The following SLC10A7 variants were observed in gnomAD, a reference collection of about 807,000 sequenced individuals.
SLC10A7 encodes the protein solute carrier family 10 member 7, also known as sodium/bile acid cotransporter 7.
In SLC10A7, 29 loss-of-function variants were observed where a neutral mutation model predicts 43.2. That is an observed-to-expected ratio of 0.67 (90% CI 0.50 to 0.92). The LOEUF (loss-of-function observed/expected upper bound fraction) is 0.92, where lower values mean the gene tolerates loss of function less well. Among genes scored for constraint, SLC10A7 ranks in the 40% least tolerant of loss-of-function variants. The pLI is 0.00. For synonymous variants in SLC10A7, 152 were observed against 144.8 expected (o/e 1.05, Z -0.35); for missense variants, 295 against 403.2 (o/e 0.73, Z 2.30).
At chr4:146,474,473 T>C (rs1733865459) in intron 4 of SLC10A7, among the ~76,000 whole-genome samples, 3 of 152,160 alleles carry the variant, frequency 2.0e-5, no homozygotes, top group Admixed American at 2.0e-4. Context: ...GGCCAGACTT[T>C]ACCACTTTTT....
At chr4:146,264,875 C>A (rs1728459452) in intron 10 of SLC10A7, among the ~76,000 whole-genome samples, 1 of 152,170 alleles carries the variant, frequency 6.6e-6, no homozygotes. Context: ...TTCAGCTCCT[C>A]ATAAAATTAA....
chr4:146,266,604 T>C (rs1427332999), intron 10 of SLC10A7, among the ~76,000 whole-genome samples: 3 of 152,194 alleles, frequency 2.0e-5, no homozygotes. Context: ...AAACAAGGGC[T>C]TTGGAATTTG....
intron 5 of SLC10A7, among the ~76,000 whole-genome samples, chr4:146,349,890 A>T (rs1230048123): frequency 6.6e-6 from 1 of 152,182 alleles, no homozygotes; most frequent in Non-Finnish European, 1.5e-5. Context: ...TACTATGCTC[A>T]CTATCTGGGT....
intron 6 of SLC10A7, among the ~76,000 whole-genome samples, chr4:146,323,966 T>C (rs1485447637): frequency 6.6e-6 from 1 of 152,196 alleles, no homozygotes; most frequent in African/African-American, 2.4e-5. Context: ...ATAAGCAACT[T>C]CAGCAAAGTC....
At position 146,283,217 on chromosome 4, in the gene SLC10A7, A is replaced by C. The variant is rs1323404547; in HGVS notation, c.822T>G (p.Cys274Trp). Residue 274 changes from cysteine (C) to tryptophan (W), a missense_variant, in exon 10 of 12, where the codon TGT becomes TGG. This residue lies in a region of SLC10A7 where 242 missense variants were observed against 362.5 expected (regional missense o/e 0.67). Transcript: ENST00000335472. Reference protein sequence around the residue: ...TPADTVAIIFCSTHKSLTLGI... With the variant: ...TPADTVAIIFWSTHKSLTLGI... ...CCAATGTAAGGGATTTGTGTGTAGA[A>C]CAGAAAATGATAGCCACTGTGTCTG... 6.2e-7 allele frequency: 1 copy of C among 1,613,374 alleles called. No individual in the cohort carries two copies.
At chr4:146,519,143 A>G (rs1387126540) in intron 1 of SLC10A7, among the ~76,000 whole-genome samples, 1 of 132,932 alleles carries the variant, frequency 7.5e-6, no homozygotes, top group Non-Finnish European at 1.6e-5. Context: ...TATATTATGT[A>G]TATAACATAA....
At chr4:146,379,342 T>C (rs1203053907) in intron 5 of SLC10A7, among the ~76,000 whole-genome samples, 1 of 152,246 alleles carries the variant, frequency 6.6e-6, no homozygotes, top group Non-Finnish European at 1.5e-5. Context: ...CTTTGTTTAA[T>C]TGATGAATAC....
At chr4:146,456,150 G>T (rs1295251397) in intron 4 of SLC10A7, among the ~76,000 whole-genome samples, 1 of 151,402 alleles carries the variant, frequency 6.6e-6, no homozygotes, top group African/African-American at 2.4e-5. Flanking sequence ...TACAGAACAA[G>T]CACAGGAAAG....
At chr4:146,344,708 T>C (rs1479401534) in intron 5 of SLC10A7, among the ~76,000 whole-genome samples, 1 of 151,744 alleles carries the variant, frequency 6.6e-6, no homozygotes, top group Non-Finnish European at 1.5e-5. Context: ...CAAAAGAGAT[T>C]TGATACACCA....
intron 7 of SLC10A7, among the ~76,000 whole-genome samples, chr4:146,304,544 A>G (rs984275269): frequency 1.3e-5 from 2 of 152,110 alleles, no homozygotes; most frequent in African/African-American, 2.4e-5. Flanking sequence ...TTCAGTTTCC[A>G]TGTAGTTGAG....
chr4:146,350,062 C>T (rs1734930875), intron 5 of SLC10A7, among the ~76,000 whole-genome samples: 1 of 152,030 alleles, frequency 6.6e-6, no homozygotes, highest in Non-Finnish European at 1.5e-5. Context: ...CTCCCGTCTA[C>T]AGCTCCCAGC....
chr4:146,305,562 C>G (rs539632088), intron 7 of SLC10A7, among the ~76,000 whole-genome samples: 95 of 137,960 alleles, frequency 6.9e-4, no homozygotes, highest in Non-Finnish European at 1.2e-3. Context: ...TACCCTAAAA[C>G]TTAAAGTATA....
chr4:146,382,359 C>T (rs991511405), intron 5 of SLC10A7, among the ~76,000 whole-genome samples: 90 of 152,266 alleles, frequency 5.9e-4, no homozygotes, highest in African/African-American at 2.1e-3. Flanking sequence ...TTTACACTGT[C>T]ACAGCACTAA....
At chr4:146,356,391 C>A (rs1299198685) in intron 5 of SLC10A7, among the ~76,000 whole-genome samples, 1 of 152,142 alleles carries the variant, frequency 6.6e-6, no homozygotes, top group Non-Finnish European at 1.5e-5. Flanking sequence ...CATATGACTA[C>A]TGAGAGATCC....
chr4:146,400,199 G>C (rs1458203299), intron 5 of SLC10A7, among the ~76,000 whole-genome samples: 1 of 152,160 alleles, frequency 6.6e-6, no homozygotes, highest in Non-Finnish European at 1.5e-5. Flanking sequence ...AAGTGTTTTT[G>C]TAAGATGAGG....
intron 5 of SLC10A7, among the ~76,000 whole-genome samples, chr4:146,372,005 G>C (rs1215237451): frequency 1.3e-5 from 2 of 151,972 alleles, no homozygotes; most frequent in African/African-American, 2.4e-5. Flanking sequence ...TGGGTGAATG[G>C]GTTACTTCTA....
At chr4:146,393,277 C>T (rs1374842212) in intron 5 of SLC10A7, among the ~76,000 whole-genome samples, 1 of 148,546 alleles carries the variant, frequency 6.7e-6, no homozygotes, top group Non-Finnish European at 1.5e-5. Flanking sequence ...TCTTTACATG[C>T]ATTTTTAAAA....
At chr4:146,368,661 C>A (rs1179189060) in intron 5 of SLC10A7, among the ~76,000 whole-genome samples, 2 of 152,124 alleles carry the variant, frequency 1.3e-5, no homozygotes, top group East Asian at 3.8e-4. Flanking sequence ...CTGAACAAAC[C>A]CACTAGCTAT....
intron 5 of SLC10A7, among the ~76,000 whole-genome samples, chr4:146,410,272 A>G (rs534413353): frequency 2.0e-5 from 3 of 152,296 alleles, no homozygotes; most frequent in Non-Finnish European, 4.4e-5. Context: ...CAGTCTGCCA[A>G]TTAAAGACAA....
Sources: allele counts gnomAD v4.1 joint callset (sites outside exome capture counted in the v4.1 genomes callset), GRCh38; gene constraint gnomAD v4.1.1; regional missense constraint gnomAD v4.1.1; transcripts MANE v1.5; gene names NCBI Gene and HGNC (gene_info 2026-07-23, HGNC 2026-07-21).